PLXNA4: variants seen among roughly 807,000 people sequenced by gnomAD.
PLXNA4 encodes plexin A4.
In PLXNA4, 44 loss-of-function variants were observed where a neutral mutation model predicts 191.8. That is an observed-to-expected ratio of 0.23 (90% CI 0.18 to 0.29). The LOEUF is 0.29. Ranked by LOEUF, PLXNA4 falls within the 10% of genes least tolerant of loss-of-function variation. PLXNA4 has a pLI of 1.00. For synonymous variants in PLXNA4, 1,082 were observed against 1,009.5 expected, an observed-to-expected ratio of 1.07 and a Z score of -1.36; for missense variants, 1,800 against 2,488.8, an observed-to-expected ratio of 0.72 and a Z score of 5.89.
At chr7:132,636,893 G>C (rs528182831) in intron 2 of PLXNA4, among the ~76,000 whole-genome samples, 8 of 152,160 alleles carry the variant, frequency 5.3e-5, no homozygotes, top group Non-Finnish European at 1.2e-4. Flanking sequence ...ACCACAGCTA[G>C]CTGCATGCAA....
chr7:132,506,363 C>T (rs769704015), intron 2 of PLXNA4, among the ~76,000 whole-genome samples: 1 of 152,162 alleles, frequency 6.6e-6, no homozygotes, highest in Non-Finnish European at 1.5e-5. Context: ...TGGAACTCCA[C>T]CAAAGTTTAA....
intron 1 of PLXNA4, among the ~76,000 whole-genome samples, chr7:132,540,916 T>C (rs536416773): frequency 6.6e-6 from 1 of 152,078 alleles, no homozygotes; most frequent in Non-Finnish European, 1.5e-5. Flanking sequence ...TTGTGCTATT[T>C]ATTATTTGTT....
intron 1 of PLXNA4, among the ~76,000 whole-genome samples, chr7:132,557,145 A>T (rs936301262): frequency 1.3e-5 from 2 of 152,226 alleles, no homozygotes; most frequent in Non-Finnish European, 2.9e-5. Context: ...GAATTTTGAC[A>T]TTGGGCTTTG....
In PLXNA4 at chr7:132,404,926, C is replaced by T. The variant is rs554271485; in HGVS notation, c.1371+84366G>A. On this transcript the variant is annotated intron_variant, in intron 3 of 31. Coordinates refer to ENST00000321063, the MANE Select transcript of PLXNA4 (RefSeq NM_020911.2). The stretch of plus-strand genomic sequence containing the variant: ...GGGGTACTACTGCCTTCCTGTCACC[C>T]CAGTGTTCCCACTGGCTTCCCCAGG... Among the ~76,000 whole-genome samples, 36 of 152,188 alleles carry T rather than the reference C, an allele frequency of 2.4e-4. No individual in the cohort carries two copies. The South Asian group carries it at 6.9e-3, about 29-fold the overall frequency.
intron 13 of PLXNA4, among the ~76,000 whole-genome samples, chr7:132,195,483 C>T (rs1005231203): frequency 6.6e-6 from 1 of 152,204 alleles, no homozygotes; most frequent in Non-Finnish European, 1.5e-5. Context: ...AGGAAGGAAC[C>T]TGTTGGGTCG....
intron 3 of PLXNA4, among the ~76,000 whole-genome samples, chr7:132,301,165 A>G: frequency 6.6e-6 from 1 of 152,016 alleles, no homozygotes; most frequent in East Asian, 1.9e-4. Context: ...TTCCCACCCC[A>G]CCCTCCAACA....
At chr7:132,318,661 CTTTTTTTT>C (rs56179808) in intron 3 of PLXNA4, among the ~76,000 whole-genome samples, 156 of 109,890 alleles carry the variant, frequency 1.4e-3, no homozygotes, top group African/African-American at 5.6e-3. Context: ...ACGCACTTTG[CTTTTTTTT>C]TTTTTTTTTT....
chr7:132,354,231 A>C (rs1443643995), intron 3 of PLXNA4, among the ~76,000 whole-genome samples: 1 of 152,108 alleles, frequency 6.6e-6, no homozygotes, highest in Non-Finnish European at 1.5e-5. Context: ...GAGCCTGTGC[A>C]TATTAAGGGG....
chr7:132,611,290 G>A (rs184533817), intron 2 of PLXNA4, among the ~76,000 whole-genome samples: 1 of 152,188 alleles, frequency 6.6e-6, no homozygotes, highest in African/African-American at 2.4e-5. Context: ...CTGCAAAGTT[G>A]CATTACTTAT....
chr7:132,265,486 A>G (rs568872662), intron 4 of PLXNA4, among the ~76,000 whole-genome samples: 1 of 152,304 alleles, frequency 6.6e-6, no homozygotes, highest in South Asian at 2.1e-4. Context: ...ACAATTAGGA[A>G]TTGGGTAGCA....
intron 3 of PLXNA4, among the ~76,000 whole-genome samples, chr7:132,379,145 T>A (rs147658761): frequency 3.9e-5 from 6 of 152,278 alleles, no homozygotes; most frequent in African/African-American, 1.4e-4. Context: ...GCAACCGTGC[T>A]CGGCCAGATC....
At chr7:132,326,962 G>T (rs1293513071) in intron 3 of PLXNA4, among the ~76,000 whole-genome samples, 1 of 139,092 alleles carries the variant, frequency 7.2e-6, no homozygotes, top group Admixed American at 7.3e-5. Flanking sequence ...AAGAAGGAAA[G>T]GAGAAACAGT....
At chr7:132,280,008 T>C (rs536253445) in intron 4 of PLXNA4, among the ~76,000 whole-genome samples, 2 of 152,324 alleles carry the variant, frequency 1.3e-5, no homozygotes, top group South Asian at 4.1e-4. Flanking sequence ...TGCCCATATA[T>C]AGTTTCACAA....
At chr7:132,631,116 T>C (rs1255562508) in intron 2 of PLXNA4, among the ~76,000 whole-genome samples, 2 of 152,240 alleles carry the variant, frequency 1.3e-5, no homozygotes, top group Admixed American at 1.3e-4. Flanking sequence ...TCACATTTTA[T>C]TTTTTAAATA....
intron 3 of PLXNA4, among the ~76,000 whole-genome samples, chr7:132,461,661 C>T (rs1053955753): frequency 6.6e-6 from 1 of 152,170 alleles, no homozygotes; most frequent in African/African-American, 2.4e-5. Context: ...TTCTATAAAC[C>T]TTCAGACAAA....
At chr7:132,466,349 G>A (rs1421315872) in intron 3 of PLXNA4, among the ~76,000 whole-genome samples, 1 of 152,194 alleles carries the variant, frequency 6.6e-6, no homozygotes, top group Non-Finnish European at 1.5e-5. Flanking sequence ...GTCAGGCCCT[G>A]CATTCAAATC....
intron 5 of PLXNA4, among the ~76,000 whole-genome samples, chr7:132,235,589 A>C (rs1798671584): frequency 6.6e-6 from 1 of 152,162 alleles, no homozygotes; most frequent in Admixed American, 6.5e-5. Context: ...ATGAAAGCTG[A>C]TCTTATCCTT....
At chr7:132,401,440 T>C (rs767571157) in intron 3 of PLXNA4, among the ~76,000 whole-genome samples, 2 of 152,192 alleles carry the variant, frequency 1.3e-5, no homozygotes, top group Non-Finnish European at 2.9e-5. Flanking sequence ...CCTTTGCTCA[T>C]GAAGGTTGGG....
chr7:132,206,474 G>A (rs977105886), intron 10 of PLXNA4, among the ~76,000 whole-genome samples: 16 of 150,888 alleles, frequency 1.1e-4, no homozygotes, highest in Middle Eastern at 3.4e-3. Flanking sequence ...GTGTGTGTGC[G>A]CATGTGTGCA....
Sources: gnomAD v4.1 joint callset for allele counts (sites outside exome capture counted in the v4.1 genomes callset) on GRCh38, gnomAD v4.1.1 for gene constraint, MANE v1.5 for transcripts, NCBI Gene and HGNC (gene_info 2026-07-23, HGNC 2026-07-21) for gene names.